Variants in FNIP2 observed in about 807,000 individuals in gnomAD.
FNIP2 encodes the protein folliculin-interacting protein 2.
A neutral mutation model predicts 108.7 loss-of-function variants in FNIP2; 32 were observed. The observed-to-expected ratio is 0.29, with a 90% CI of 0.22 to 0.40. The LOEUF (loss-of-function observed/expected upper bound fraction) is 0.40, where lower values mean the gene tolerates loss of function less well. Among genes scored for constraint, FNIP2 ranks in the 10% least tolerant of loss-of-function variants. FNIP2 has a pLI of 1.00. For missense variants in FNIP2, 1,202 were observed against 1,381.6 expected (o/e 0.87, Z 2.06); for synonymous variants, 480 against 496.7 (o/e 0.97, Z 0.45).
At chr4:158,818,058 AC>A (rs1777673505) in intron 1 of FNIP2, among the ~76,000 whole-genome samples, 1 of 152,184 alleles carries the variant, frequency 6.6e-6, no homozygotes. Flanking sequence ...TTAGAGTTTC[AC>A]TTGATGTGAT....
chr4:158,769,393 T>A (rs1319246455), intron 1 of FNIP2, 74 bp downstream of exon 1: 1 of 1,060,692 alleles, frequency 9.4e-7, no homozygotes, highest in Non-Finnish European at 1.3e-6. Context: ...AGGGGACGGG[T>A]AGGGGAAAGG....
chr4:158,845,545 G>A (rs540079429), intron 7 of FNIP2, among the ~76,000 whole-genome samples: 3 of 152,322 alleles, frequency 2.0e-5, no homozygotes, highest in African/African-American at 7.2e-5. Context: ...CAACATGCTT[G>A]CACCACCACC....
chr4:158,789,684 T>G (rs1208419559), intron 1 of FNIP2, among the ~76,000 whole-genome samples: 1 of 152,252 alleles, frequency 6.6e-6, no homozygotes, highest in African/African-American at 2.4e-5. Context: ...TTGCTCCCTA[T>G]TCTTCTGTTA....
At chr4:158,839,514 C>T (rs191124308) in intron 7 of FNIP2, among the ~76,000 whole-genome samples, 1 of 152,142 alleles carries the variant, frequency 6.6e-6, no homozygotes, top group East Asian at 1.9e-4. Context: ...TACAGTCATG[C>T]ACCACCACAC....
chr4:158,880,412 G>A (rs932033558), intron 14 of FNIP2, among the ~76,000 whole-genome samples: 1 of 152,106 alleles, frequency 6.6e-6, no homozygotes, highest in African/African-American at 2.4e-5. Flanking sequence ...GGACACAGGA[G>A]GGGGAGCATC....
At chr4:158,835,499 T>C in intron 7 of FNIP2, 23 bp downstream of exon 7, 6 of 1,601,860 alleles carry the variant, frequency 3.7e-6, no homozygotes, top group Non-Finnish European at 5.1e-6. Context: ...TGTTTATTGG[T>C]TTAACTAACA....
intron 1 of FNIP2, among the ~76,000 whole-genome samples, chr4:158,798,180 G>A (rs1003947954): frequency 3.3e-5 from 5 of 151,790 alleles, no homozygotes; most frequent in East Asian, 1.9e-4. Flanking sequence ...TCCTCCCACC[G>A]CAGCCTCTTG....
At chr4:158,813,429 G>A (rs778127050) in intron 1 of FNIP2, among the ~76,000 whole-genome samples, 57 of 152,166 alleles carry the variant, frequency 3.7e-4, no homozygotes, top group Admixed American at 7.9e-4. Flanking sequence ...TTTCTCTAAT[G>A]ACATACAATG....
At chr4:158,850,374 C>G (rs1779629429) in intron 7 of FNIP2, among the ~76,000 whole-genome samples, 2 of 151,794 alleles carry the variant, frequency 1.3e-5, no homozygotes, top group African/African-American at 4.8e-5. Flanking sequence ...TCCATTCTTT[C>G]AAACCAGTAG....
chr4:158,826,182 A>C (rs1367631299), intron 2 of FNIP2, 140 bp downstream of exon 2: 1 of 1,223,702 alleles, frequency 8.2e-7, no homozygotes, highest in Non-Finnish European at 1.1e-6. Context: ...ATAAGCAAGC[A>C]TTGAATCCTT....
rs531630521 is a variant in FNIP2 at position 158,869,264 on chromosome 4, C to G, written c.2628C>G (p.Asn876Lys). The change falls in exon 13 of 17, where the codon AAC (asparagine) becomes AAG (lysine). Residue 876 changes from asparagine to lysine, a missense_variant. Asn to Lys is a moderately conservative substitution (Grantham distance 94). Transcript: ENST00000264433. ...AGANIPCGDDNKKANFRTEGD... is the reference protein window; with the variant it reads ...AGANIPCGDDKKKANFRTEGD... ...CGAATATCCCCTGTGGGGATGACAA[C>G]AAGAAGGCCAACTTCAGGACTGAAG... 4 of 1,613,996 alleles carry G rather than the reference C, an allele frequency of 2.5e-6. No homozygotes were observed. In the East Asian group the frequency reaches 6.7e-5, roughly 27 times the overall value.
At position 158,846,161 on chromosome 4, in the gene FNIP2, G is replaced by T. The variant is rs144489048; in HGVS notation, c.728-5160G>T. ...TGTATTGATTTGTTTAATCTTCACA[G>T]GAAGCTTATGAAATAGCTGTTTTTT... On this transcript the variant is annotated intron_variant, in intron 7 of 16. Coordinates refer to ENST00000264433, the MANE Select transcript of FNIP2 (RefSeq NM_020840.3). Among the ~76,000 whole-genome samples, 7 of 152,240 alleles carry T rather than the reference G, an allele frequency of 4.6e-5. No individual in the cohort carries two copies. The East Asian group carries it at 1.4e-3, about 29-fold the overall frequency.
chr4:158,826,388 A>G (rs1395451993), intron 2 of FNIP2, among the ~76,000 whole-genome samples: 1 of 152,256 alleles, frequency 6.6e-6, no homozygotes, highest in Non-Finnish European at 1.5e-5. Flanking sequence ...GCAGAACTCT[A>G]AAATTCATAA....
rs768614234 is a variant in FNIP2 at position 158,859,154 on chromosome 4, C to G, written c.955C>G (p.Leu319Val). ...AATTGCCATAAGCATCATCTTTTCC[C>G]TATGTGAGAAAGAAGAAGCACAAAG... ...KKIAISIIFS[L>V]CEKEEAQRNF... is the part of the protein sequence containing the mutation. The change falls in exon 9 of 17, where the codon CTA becomes GTA. Residue 319 changes from leucine (L) to valine (V), a missense_variant. Leu to Val is a conservative substitution (Grantham distance 32). Around this residue, in one of 5 missense-constraint regions of FNIP2, gnomAD observed 878 missense variants for 990.3 expected, o/e 0.89. Coordinates refer to ENST00000264433, the MANE Select transcript of FNIP2 (RefSeq NM_020840.3). 14 of 1,613,852 alleles carry G rather than the reference C, an allele frequency of 8.7e-6. No homozygotes were observed. Among genetic ancestry groups the G allele is most frequent in the African/African-American group, 2.7e-5 (2 of 74,926 alleles).
At chr4:158,770,268 C>T (rs1429484169) in intron 1 of FNIP2, among the ~76,000 whole-genome samples, 2 of 152,138 alleles carry the variant, frequency 1.3e-5, no homozygotes, top group Non-Finnish European at 2.9e-5. Flanking sequence ...CCTATATTGC[C>T]TTTGAGCACA....
At chr4:158,835,550 A>T in intron 7 of FNIP2, 74 bp downstream of exon 7, 1 of 1,352,388 alleles carries the variant, frequency 7.4e-7, no homozygotes, top group Non-Finnish European at 1.1e-6. Context: ...GGGAAAGTAG[A>T]AGACAGGTAG....
intron 7 of FNIP2, among the ~76,000 whole-genome samples, chr4:158,843,985 T>A (rs1779264808): frequency 6.6e-6 from 1 of 152,242 alleles, no homozygotes; most frequent in South Asian, 2.1e-4. Flanking sequence ...GCTGCCTGTT[T>A]GGAACCGTGA....
chr4:158,899,474 T>C (rs1783004084), intron 16 of FNIP2, among the ~76,000 whole-genome samples: 1 of 152,234 alleles, frequency 6.6e-6, no homozygotes, highest in African/African-American at 2.4e-5. Context: ...TGAATCCATC[T>C]GGTCCTGGAC....
At chr4:158,875,854 A>G (rs1310526308) in intron 14 of FNIP2, among the ~76,000 whole-genome samples, 2 of 152,088 alleles carry the variant, frequency 1.3e-5, no homozygotes, top group African/African-American at 2.4e-5. Flanking sequence ...CCACTGGCCT[A>G]TGGAGCACTT....
Sources: gnomAD v4.1 joint callset for allele counts (sites outside exome capture counted in the v4.1 genomes callset) on GRCh38, gnomAD v4.1.1 for gene constraint, gnomAD v4.1.1 regional missense constraint, MANE v1.5 for transcripts, NCBI Gene and HGNC (gene_info 2026-07-23, HGNC 2026-07-21) for gene names.